The following KAZN variants were observed in gnomAD, a reference collection of about 807,000 sequenced individuals.
KAZN encodes the protein kazrin.
In KAZN, 40 loss-of-function variants were observed where a neutral mutation model predicts 87.4. That is an observed-to-expected ratio of 0.46 (90% CI 0.36 to 0.60). KAZN has a LOEUF of 0.60. KAZN is among the 20% of genes least tolerant of loss of function. KAZN has a pLI of 0.00. For synonymous variants in KAZN, 466 were observed against 458.3 expected (o/e 1.02, Z -0.22); for missense variants, 898 against 1,073.9 (o/e 0.84, Z 2.29).
At chr1:14,077,351 G>C (rs1391712417) in intron 1 of KAZN, among the ~76,000 whole-genome samples, 27 of 152,274 alleles carry the variant, frequency 1.8e-4, no homozygotes, top group Non-Finnish European at 1.5e-5. Context: ...GTAATGAAAA[G>C]GTTTTTTCTA....
intron 2 of KAZN, among the ~76,000 whole-genome samples, chr1:14,240,886 C>G (rs1203122975): frequency 1.3e-5 from 2 of 152,226 alleles, no homozygotes; most frequent in Non-Finnish European, 1.5e-5. Context: ...GAGGTACCAC[C>G]AAGTCCATTT....
chr1:15,075,981 A>G (rs982948769), intron 8 of KAZN, among the ~76,000 whole-genome samples: 1 of 152,254 alleles, frequency 6.6e-6, no homozygotes, highest in East Asian at 1.9e-4. Flanking sequence ...CAGGCCAGAG[A>G]TGTCAGAGTC....
chr1:14,209,606 AG>A lies in KAZN; in HGVS notation c.249+29015del, dbSNP rs1395062960. On this transcript the variant is annotated intron_variant, in intron 2 of 16. Transcript: ENST00000636203. ...TCAAGGGAGTAGTGTAGATAACTAT[AG>A]TGCAAATGTGGCACTAATAAATTTA... 1.2e-4 allele frequency among the ~76,000 whole-genome samples: 18 copies of A among 152,114 alleles called. No individual in the cohort carries two copies. In the South Asian group the frequency reaches 3.7e-3, roughly 32 times the overall value.
chr1:13,920,823 G>T (rs990087849), intron 1 of KAZN, among the ~76,000 whole-genome samples: 1 of 152,152 alleles, frequency 6.6e-6, no homozygotes, highest in East Asian at 1.9e-4. Flanking sequence ...GTGGTTTATG[G>T]TCACGCTGAC....
chr1:14,025,901 G>C (rs1388497570), intron 1 of KAZN, among the ~76,000 whole-genome samples: 2 of 152,150 alleles, frequency 1.3e-5, no homozygotes, highest in African/African-American at 4.8e-5. Context: ...CCTCTGTTTA[G>C]AGACTATAGA....
At chr1:14,896,041 C>CTTTTTTT (rs201188620) in intron 1 of KAZN, among the ~76,000 whole-genome samples, 6 of 140,718 alleles carry the variant, frequency 4.3e-5, no homozygotes, top group African/African-American at 1.7e-4. Flanking sequence ...AAAAAGACGC[C>CTTTTTTT]TTTTTTTTTT....
At chr1:13,971,794 T>G (rs1375610954) in intron 1 of KAZN, among the ~76,000 whole-genome samples, 2 of 152,204 alleles carry the variant, frequency 1.3e-5, no homozygotes, top group Admixed American at 6.5e-5. Flanking sequence ...CCCTTGGTAC[T>G]GTCCTCATGA....
chr1:13,995,808 T>G (rs1639486839), intron 1 of KAZN, among the ~76,000 whole-genome samples: 1 of 152,224 alleles, frequency 6.6e-6, no homozygotes, highest in Non-Finnish European at 1.5e-5. Context: ...AGACAGCCTA[T>G]TGTGGGACCT....
intron 1 of KAZN, among the ~76,000 whole-genome samples, chr1:13,978,129 C>CAAAAAA (rs35828417): frequency 2.4e-5 from 2 of 82,088 alleles, no homozygotes; most frequent in African/African-American, 4.9e-5. Context: ...CTCCATCTCA[C>CAAAAAA]AAAAAAAAAA....
At chr1:14,662,660 A>AGT (rs961457033) in intron 1 of KAZN, among the ~76,000 whole-genome samples, 20 of 149,718 alleles carry the variant, frequency 1.3e-4, no homozygotes, top group African/African-American at 3.9e-4. Context: ...GGTGTGTGTG[A>AGT]GTGTGTGTGT....
chr1:14,316,944 G>A (rs931605043), intron 2 of KAZN, among the ~76,000 whole-genome samples: 1 of 151,824 alleles, frequency 6.6e-6, no homozygotes, highest in Non-Finnish European at 1.5e-5. Context: ...TTGTTTGGGG[G>A]CCCAGAATAT....
chr1:13,910,157 A>G, intron 1 of KAZN, among the ~76,000 whole-genome samples: 1 of 152,044 alleles, frequency 6.6e-6, no homozygotes, highest in East Asian at 1.9e-4. Context: ...GTTTAACACT[A>G]TCCTCCTTGA....
At chr1:14,366,900 G>A (rs946856517) in intron 2 of KAZN, among the ~76,000 whole-genome samples, 6 of 152,198 alleles carry the variant, frequency 3.9e-5, no homozygotes, top group Admixed American at 2.0e-4. Context: ...TCTCACAAAC[G>A]AATGGAAGGG....
intron 2 of KAZN, among the ~76,000 whole-genome samples, chr1:14,511,949 A>G (rs1384121628): frequency 6.6e-6 from 1 of 152,186 alleles, no homozygotes. Flanking sequence ...CACTATGCAT[A>G]ACTCACACGG....
At chr1:14,214,135 T>C (rs896200998) in intron 2 of KAZN, among the ~76,000 whole-genome samples, 1 of 152,238 alleles carries the variant, frequency 6.6e-6, no homozygotes. Flanking sequence ...CTATGTATAA[T>C]TGATTTTTAA....
intron 2 of KAZN, among the ~76,000 whole-genome samples, chr1:14,412,493 T>C (rs924657072): frequency 6.6e-6 from 1 of 152,064 alleles, no homozygotes; most frequent in Non-Finnish European, 1.5e-5. Flanking sequence ...ATACATTAGC[T>C]AAAAAAATTA....
intron 1 of KAZN, among the ~76,000 whole-genome samples, chr1:14,896,239 G>A (rs936347135): frequency 6.6e-6 from 1 of 152,108 alleles, no homozygotes; most frequent in Non-Finnish European, 1.5e-5. Context: ...ATTTTTAGTA[G>A]AGACAGGGTT....
chr1:14,896,449 T>A (rs111440710), intron 1 of KAZN, among the ~76,000 whole-genome samples: 5 of 152,342 alleles, frequency 3.3e-5, no homozygotes, highest in African/African-American at 1.2e-4. Context: ...AGCTTTGCTC[T>A]TTCACCCTTC....
intron 1 of KAZN, among the ~76,000 whole-genome samples, chr1:14,129,806 T>C (rs554310284): frequency 1.3e-5 from 2 of 152,300 alleles, no homozygotes; most frequent in East Asian, 1.9e-4. Flanking sequence ...AGAGGTTATA[T>C]GCACGTTCCT....
Sources: gnomAD v4.1 joint callset for allele counts (sites outside exome capture counted in the v4.1 genomes callset) on GRCh38, gnomAD v4.1.1 for gene constraint, MANE v1.5 for transcripts, NCBI Gene and HGNC (gene_info 2026-07-23, HGNC 2026-07-21) for gene names.